The following MTMR14 variants were observed in gnomAD, a reference collection of about 807,000 sequenced individuals.
The protein encoded by MTMR14 is phosphatidylinositol-3,5-bisphosphate 3-phosphatase MTMR14.
MTMR14 carries 48 observed loss-of-function variants against 86.3 expected under a neutral mutation model. The observed-to-expected ratio is 0.56, with a 90% CI of 0.44 to 0.71. MTMR14 has a LOEUF of 0.71. MTMR14 is among the 30% of genes least tolerant of loss of function. The pLI is 0.00. For synonymous variants in MTMR14, 366 were observed against 326.1 expected (o/e 1.12, Z -1.32); for missense variants, 780 against 834.6 (o/e 0.93, Z 0.81).
At position 9,688,040 on chromosome 3, in the gene MTMR14, G is replaced by A. The variant is rs2076019161; in HGVS notation, c.1235+149G>A. On this transcript the variant is annotated intron_variant, in intron 14 of 18. Coordinates refer to ENST00000296003, the MANE Select transcript of MTMR14 (RefSeq NM_001077525.3). Reference sequence around the variant, plus strand: ...CTCCTGCCTTCGCTCTGAGGCCAGGGTAGGGGTCCCTGCTGAAGGCCACTG... The same window carrying A: ...CTCCTGCCTTCGCTCTGAGGCCAGGATAGGGGTCCCTGCTGAAGGCCACTG... 4.0e-6 allele frequency: 3 copies of A among 741,590 alleles called. No individual in the cohort carries two copies. The South Asian group carries it at 4.5e-5, about 11-fold the overall frequency. 45.9% of individuals were successfully genotyped at this position (741,590 alleles called of 1,614,324 possible). A position where few individuals can be genotyped will look rare whatever the true frequency, so the allele number is the denominator to read the frequency against.
At chr3:9,670,920 C>T (rs1263565803) in intron 5 of MTMR14, 128 bp from the exon 6 acceptor site, 19 of 1,205,124 alleles carry the variant, frequency 1.6e-5, no homozygotes, top group Admixed American at 6.8e-5. Flanking sequence ...GGCACCCATG[C>T]GTCCACCTAG....
chr3:9,653,902 A>G, intron 2 of MTMR14, 133 bp downstream of exon 2: 1 of 1,286,238 alleles, frequency 7.8e-7, no homozygotes, highest in African/African-American at 1.5e-5. Flanking sequence ...ATTTTTATTT[A>G]CTTCAAGGTT....
intron 2 of MTMR14, among the ~76,000 whole-genome samples, chr3:9,655,214 A>C (rs1004779420): frequency 2.0e-5 from 3 of 151,954 alleles, no homozygotes; most frequent in African/African-American, 7.3e-5. Context: ...TAAAATTACA[A>C]AAACTAGCTG....
rs146178223 is a variant in MTMR14, at chr3:9,686,122, C to T, written c.1164+875C>T. 5.6e-4 allele frequency among the ~76,000 whole-genome samples: 85 copies of T among 152,282 alleles called. 3 individuals carry two copies. The East Asian group carries it at 0.012, about 21-fold the overall frequency. Reference sequence around the variant, plus strand: ...TTATCTCGCACCTCCTCCTTTTGTTCCTCCGTCTCAGCTGCTCCTCTCCTC... The same window carrying T: ...TTATCTCGCACCTCCTCCTTTTGTTTCTCCGTCTCAGCTGCTCCTCTCCTC... On this transcript the variant is annotated intron_variant, in intron 13 of 18. Coordinates refer to ENST00000296003, the MANE Select transcript of MTMR14 (RefSeq NM_001077525.3).
chr3:9,678,137 G>T (rs1238863598), intron 9 of MTMR14, 79 bp downstream of exon 9: 7 of 1,448,104 alleles, frequency 4.8e-6, no homozygotes, highest in Non-Finnish European at 6.7e-6. Flanking sequence ...GCCCCACAAG[G>T]CCCTCGTGTG....
At chr3:9,668,201 G>T (rs2048362212) in intron 3 of MTMR14, among the ~76,000 whole-genome samples, 1 of 152,194 alleles carries the variant, frequency 6.6e-6, no homozygotes, top group Non-Finnish European at 1.5e-5. Flanking sequence ...CGCTAGAAAG[G>T]TTGTTCCTGT....
In MTMR14 at chr3:9,677,866, G is replaced by T. The variant is rs1173198791; in HGVS notation, c.823-118G>T. ...CACTCCCAGGTAGCACAGGTATCTG[G>T]CCCAGAGAAGGCAAGCACTGCCTGT... On this transcript the variant is annotated intron_variant, in intron 8 of 18. Coordinates refer to ENST00000296003, the MANE Select transcript of MTMR14 (RefSeq NM_001077525.3). The surrounding 1 kb of genome is among the most constrained non-coding windows in gnomAD (Gnocchi z 4.2). 26 of 826,118 alleles carry T rather than the reference G, an allele frequency of 3.1e-5. No homozygotes were observed. The highest frequency in any genetic ancestry group is 4.8e-5 in the Non-Finnish European group (24 of 502,800). The allele number at this position is 826,118 out of a possible 1,614,324, so 51.2% of individuals were successfully genotyped here. A position where few individuals can be genotyped will look rare whatever the true frequency, so the allele number is the denominator to read the frequency against.
intron 4 of MTMR14, 90 bp from the exon 5 acceptor site, chr3:9,669,342 G>T: frequency 7.5e-7 from 1 of 1,330,864 alleles, no homozygotes. Context: ...GCCCACCCTT[G>T]GCACTATGGG....
chr3:9,666,442 A>G (rs965281997), intron 3 of MTMR14, among the ~76,000 whole-genome samples: 1 of 152,220 alleles, frequency 6.6e-6, no homozygotes, highest in Non-Finnish European at 1.5e-5. Flanking sequence ...CAATGCCCAA[A>G]GTTTCACATC....
chr3:9,701,987 TGAC>T lies in MTMR14; in HGVS notation c.*15_*17del, dbSNP rs776812335. The T allele has an allele frequency of 3.1e-6, 5 of 1,613,938 alleles. No individual in the cohort carries two copies. The South Asian group carries it at 4.4e-5, about 14-fold the overall frequency. ...AATGCCTTGTGAAGAAGCCAGCCCATGACATTTTCCTGCTCCTCTCTCAGCTGA... is the reference window on the plus strand; with the variant it reads ...AATGCCTTGTGAAGAAGCCAGCCCATATTTTCCTGCTCCTCTCTCAGCTGA... On this transcript the variant is annotated 3_prime_UTR_variant, in exon 19 of 19. Transcript: ENST00000296003. The surrounding 1 kb of genome is among the most constrained non-coding windows in gnomAD (Gnocchi z 4.2).
chr3:9,684,607 C>T lies in MTMR14; in HGVS notation c.987C>T (p.His329=), dbSNP rs768116758. The T allele has an allele frequency of 6.2e-7, 1 of 1,614,198 alleles. No homozygotes were observed. Among genetic ancestry groups the T allele is most frequent in the East Asian group, 2.2e-5 (1 of 44,878 alleles). ...NSDDDSGLLV[H]CISGWDRTPL... ...TAGATGACAGCGGGCTGCTGGTACACTGTATCTCAGGCTGGGATCGGACCC... is the reference window on the plus strand; with the variant it reads ...TAGATGACAGCGGGCTGCTGGTACATTGTATCTCAGGCTGGGATCGGACCC... Residue 329 remains histidine, a synonymous_variant, in exon 11 of 19, where the codon CAC becomes CAT. Transcript: ENST00000296003.
At chr3:9,683,394 T>C (rs1241576840) in intron 10 of MTMR14, 150 bp downstream of exon 10, 1 of 734,848 alleles carries the variant, frequency 1.4e-6, no homozygotes, top group Admixed American at 2.4e-5. Flanking sequence ...TCCCAGAGGC[T>C]GGGTGGGATT....
intron 17 of MTMR14, among the ~76,000 whole-genome samples, chr3:9,695,245 C>T (rs533004845): frequency 2.0e-5 from 3 of 152,324 alleles, no homozygotes; most frequent in African/African-American, 7.2e-5. Context: ...CCAGCTAATC[C>T]ATGGTGGTAT....
At chr3:9,686,092 G>A (rs2075941759) in intron 13 of MTMR14, among the ~76,000 whole-genome samples, 1 of 152,102 alleles carries the variant, frequency 6.6e-6, no homozygotes, top group South Asian at 2.1e-4. Flanking sequence ...TCCTTCCTGG[G>A]CATCTTATCT....
intron 2 of MTMR14, among the ~76,000 whole-genome samples, chr3:9,661,806 A>G (rs922890345): frequency 1.3e-5 from 2 of 151,860 alleles, no homozygotes; most frequent in South Asian, 2.1e-4. Context: ...TTTTTCCTGA[A>G]AAACTTAATA....
chr3:9,653,724 A>C lies in MTMR14; in HGVS notation c.263A>C (p.His88Pro). 1 of 1,614,182 alleles carries C rather than the reference A, an allele frequency of 6.2e-7. No homozygotes were observed. The part of the protein sequence containing the change: ...NGDICGHYPR[H>P]IVFLEYESSE... Reference sequence around the variant, plus strand: ...GATATCTGTGGCCACTATCCCCGGCACATCGTGTTCCTGGAGTATGAGAGT... The same window carrying C: ...GATATCTGTGGCCACTATCCCCGGCCCATCGTGTTCCTGGAGTATGAGAGT... Residue 88 changes from histidine to proline, a missense_variant, in exon 2 of 19, where the codon CAC becomes CCC. By Grantham distance (77) the His-to-Pro change is moderately conservative (BLOSUM62 -2). Transcript: ENST00000296003.
chr3:9,676,770 TTTGC>T (rs1439619455), intron 7 of MTMR14, among the ~76,000 whole-genome samples: 1 of 152,210 alleles, frequency 6.6e-6, no homozygotes, highest in Non-Finnish European at 1.5e-5. Flanking sequence ...AAAGTGCCTC[TTTGC>T]TTGCTTTGTT....
At chr3:9,650,123 G>A (rs2047193703) in intron 1 of MTMR14, among the ~76,000 whole-genome samples, 1 of 152,128 alleles carries the variant, frequency 6.6e-6, no homozygotes, top group Admixed American at 6.5e-5. Flanking sequence ...AAGAAAAATA[G>A]GGAGACGATT....
In MTMR14 at chr3:9,688,997, A is replaced by G; in HGVS notation, c.1348A>G (p.Met450Val). 1.2e-6 allele frequency: 2 copies of G among 1,614,024 alleles called. No individual in the cohort carries two copies. The highest frequency in any genetic ancestry group is 1.7e-6 in the Non-Finnish European group (2 of 1,180,034). ...CCTTGGCAGCGACTTCTCCCTGGTC[A>G]TGGAGAGTTCCCCAGGAGCCACTGG... ...TSLGSDFSLV[M>V]ESSPGATGSF... Residue 450 changes from methionine to valine, a missense_variant, in exon 16 of 19, where the codon ATG becomes GTG. By Grantham distance (21) the Met-to-Val change is conservative (BLOSUM62 1). Coordinates refer to ENST00000296003, the MANE Select transcript of MTMR14 (RefSeq NM_001077525.3).
Sources: allele counts gnomAD v4.1 joint callset (sites outside exome capture counted in the v4.1 genomes callset), GRCh38; gene constraint gnomAD v4.1.1; non-coding constraint Gnocchi (gnomAD v3.1); transcripts MANE v1.5; gene names NCBI Gene and HGNC (gene_info 2026-07-23, HGNC 2026-07-21).